ARHGAP8: variants seen among roughly 807,000 people sequenced by gnomAD.
The protein encoded by ARHGAP8 is Rho GTPase activating protein 8.
ARHGAP8 carries 62 observed loss-of-function variants against 46.1 expected under a neutral mutation model. The observed-to-expected ratio is 1.34, with a 90% CI of 1.10 to 1.66. The LOEUF is 1.66. ARHGAP8 is among the 40% of genes most tolerant of loss of function. The pLI is 0.00. For missense variants in ARHGAP8, 923 were observed against 568.4 expected, an observed-to-expected ratio of 1.62 and a Z score of -6.34; for synonymous variants, 375 against 243.1, an observed-to-expected ratio of 1.54 and a Z score of -5.05.
At chr22:44,862,014 TAGTG>T (rs2070512864) in intron 11 of ARHGAP8, among the ~76,000 whole-genome samples, 1 of 151,964 alleles carries the variant, frequency 6.6e-6, no homozygotes, top group African/African-American at 2.4e-5. Flanking sequence ...GAAGAGGAGA[TAGTG>T]GGGGGTTGAG....
chr22:44,808,820 AAAC>A (rs200411133), intron 4 of ARHGAP8: 168 of 369,318 alleles, frequency 4.5e-4, no homozygotes, highest in East Asian at 1.3e-3. Flanking sequence ...AAAAAAAAAA[AAAC>A]CAAAAACAAA....
intron 11 of ARHGAP8, among the ~76,000 whole-genome samples, chr22:44,860,553 C>T (rs942364737): frequency 2.7e-5 from 4 of 150,676 alleles, no homozygotes; most frequent in African/African-American, 4.9e-5. Context: ...AGATCCTCAA[C>T]GACAGCTGCA....
intron 5 of ARHGAP8, among the ~76,000 whole-genome samples, chr22:44,821,854 C>G (rs893229803): frequency 6.6e-6 from 1 of 152,136 alleles, no homozygotes; most frequent in Non-Finnish European, 1.5e-5. Flanking sequence ...TGCGCTGCTC[C>G]CTGGGGTCCG....
At chr22:44,786,738 G>C in intron 2 of ARHGAP8, 132 bp downstream of exon 2, 2 of 1,329,608 alleles carry the variant, frequency 1.5e-6, no homozygotes, top group Non-Finnish European at 1.0e-6. Context: ...ATTAGAGCCA[G>C]GTGCAGTGGC....
intron 4 of ARHGAP8, among the ~76,000 whole-genome samples, chr22:44,814,468 A>G (rs1929589173): frequency 6.6e-6 from 1 of 152,220 alleles, no homozygotes; most frequent in Non-Finnish European, 1.5e-5. Context: ...AAAGCGCTGC[A>G]GGCATGCCTG....
chr22:44,847,336 A>G (rs189578789), intron 8 of ARHGAP8, among the ~76,000 whole-genome samples: 41 of 152,304 alleles, frequency 2.7e-4, no homozygotes, highest in Admixed American at 1.9e-3. Flanking sequence ...GATTACAATC[A>G]CCTCTTTAGC....
At chr22:44,845,497 C>T (rs571941037) in intron 8 of ARHGAP8, among the ~76,000 whole-genome samples, 155 bp downstream of exon 8, 1 of 152,248 alleles carries the variant, frequency 6.6e-6, no homozygotes, top group South Asian at 2.1e-4. Context: ...GCTCTGGCCT[C>T]GGATGGTCTG....
At chr22:44,858,035 C>G (rs1418023317) in intron 10 of ARHGAP8, among the ~76,000 whole-genome samples, 3 of 152,218 alleles carry the variant, frequency 2.0e-5, no homozygotes, top group Admixed American at 6.5e-5. Context: ...GAAATGGCAG[C>G]CACCTGGCTC....
chr22:44,858,526 T>C (rs6007338), intron 10 of ARHGAP8, among the ~76,000 whole-genome samples: 21,694 of 132,820 alleles, frequency 0.16, 2,237 homozygotes, highest in African/African-American at 0.3. Context: ...TGTGCCACCA[T>C]ACCCGGCTTT....
intron 11 of ARHGAP8, among the ~76,000 whole-genome samples, chr22:44,861,453 T>TGGGGGGACCGGCAGC (rs1365961391): frequency 4.7e-5 from 7 of 149,140 alleles, no homozygotes; most frequent in African/African-American, 1.7e-4. Flanking sequence ...TGCAACGGGC[T>TGGGGGGACCGGCAGC]TGGGGGACCG....
intron 7 of ARHGAP8, among the ~76,000 whole-genome samples, chr22:44,830,280 T>TC (rs1319547093): frequency 6.6e-6 from 1 of 152,166 alleles, no homozygotes; most frequent in South Asian, 2.1e-4. Context: ...CGCCTCAGCT[T>TC]CCCAAAGTGC....
intron 2 of ARHGAP8, among the ~76,000 whole-genome samples, chr22:44,787,048 A>AC (rs1927308408): frequency 1.2e-5 from 1 of 80,658 alleles, no homozygotes; most frequent in Non-Finnish European, 3.1e-5. Flanking sequence ...AAAAAAAAAA[A>AC]AAAGAAAGAA....
intron 4 of ARHGAP8, chr22:44,809,289 TC>T (rs780506623): frequency 8.7e-4 from 379 of 435,026 alleles, no homozygotes; most frequent in African/African-American, 6.5e-3. Flanking sequence ...TTTTTTTTTT[TC>T]AACCACTTAA....
Position 44,768,275 on chromosome 22 carries a change from G to A in ARHGAP8, c.-72+15648G>A, listed in dbSNP as rs796822898. Among the ~76,000 whole-genome samples the A allele has an allele frequency of 3.3e-5, 5 of 151,402 alleles. No individual in the cohort carries two copies. The East Asian group carries it at 9.8e-4, about 30-fold the overall frequency. On this transcript the variant is annotated intron_variant, in intron 1 of 11. Coordinates refer to ENST00000356099, the MANE Select transcript of ARHGAP8 (RefSeq NM_181335.3). ...CTCCCAAAGTGCTGGGATTACAGGCGTGAGCCACCGCGTGCGGCCTCATTT... is the reference window on the plus strand; with the variant it reads ...CTCCCAAAGTGCTGGGATTACAGGCATGAGCCACCGCGTGCGGCCTCATTT...
intron 1 of ARHGAP8, among the ~76,000 whole-genome samples, chr22:44,779,013 A>G (rs1926625247): frequency 6.6e-6 from 1 of 152,004 alleles, no homozygotes; most frequent in African/African-American, 2.4e-5. Flanking sequence ...AAACACACCC[A>G]CAAATAGATC....
chr22:44,834,544 A>G (rs983177978), intron 7 of ARHGAP8, among the ~76,000 whole-genome samples: 1 of 152,188 alleles, frequency 6.6e-6, no homozygotes, highest in African/African-American at 2.4e-5. Context: ...AGCCTGGAGA[A>G]TATTCAACGG....
At chr22:44,857,163 C>T (rs1174967147) in intron 10 of ARHGAP8, among the ~76,000 whole-genome samples, 1 of 146,742 alleles carries the variant, frequency 6.8e-6, no homozygotes, top group Non-Finnish European at 1.5e-5. Flanking sequence ...TGGTCTCAAA[C>T]TCCTGACCTC....
chr22:44,760,620 G>C (rs577564016), intron 1 of ARHGAP8, among the ~76,000 whole-genome samples: 1 of 152,324 alleles, frequency 6.6e-6, no homozygotes, highest in East Asian at 1.9e-4. Flanking sequence ...GTGCTAATTT[G>C]CCCGAGGTAA....
At chr22:44,782,592 G>T (rs774997705) in intron 1 of ARHGAP8, among the ~76,000 whole-genome samples, 2 of 152,062 alleles carry the variant, frequency 1.3e-5, no homozygotes, top group South Asian at 4.1e-4. Context: ...GGATCATACC[G>T]TGTGTGCTTT....
Sources: allele counts gnomAD v4.1 joint callset (sites outside exome capture counted in the v4.1 genomes callset), GRCh38; gene constraint gnomAD v4.1.1; transcripts MANE v1.5; gene names NCBI Gene and HGNC (gene_info 2026-07-23, HGNC 2026-07-21).